Variants in ADCY8 observed in about 807,000 individuals in gnomAD.
The protein encoded by ADCY8 is adenylate cyclase 8.
In ADCY8, 51 loss-of-function variants were observed where a neutral mutation model predicts 119.7. The ratio of observed to expected loss-of-function variants is 0.43; its 90% CI spans 0.34 to 0.54. The LOEUF (loss-of-function observed/expected upper bound fraction) is 0.54. ADCY8 is among the 20% of genes least tolerant of loss of function. The pLI is 0.03. For synonymous variants in ADCY8, 665 were observed against 651.0 expected, an observed-to-expected ratio of 1.02 and a Z score of -0.33; for missense variants, 1,383 against 1,598.8, an observed-to-expected ratio of 0.87 and a Z score of 2.30.
intron 1 of ADCY8, among the ~76,000 whole-genome samples, chr8:131,028,081 A>T (rs1823875526): frequency 6.6e-6 from 1 of 152,230 alleles, no homozygotes; most frequent in South Asian, 2.1e-4. Flanking sequence ...GGAATATCTA[A>T]CTGGGTCAGG....
chr8:130,985,787 C>T (rs1015561035), intron 2 of ADCY8, among the ~76,000 whole-genome samples: 12 of 152,208 alleles, frequency 7.9e-5, no homozygotes, highest in Admixed American at 3.9e-4. Context: ...ATCTACTGTC[C>T]GAACCACCAG....
chr8:130,966,696 A>G (rs567073867), intron 2 of ADCY8, among the ~76,000 whole-genome samples: 144 of 152,270 alleles, frequency 9.5e-4, no homozygotes, highest in African/African-American at 3.4e-3. Flanking sequence ...TTTGAACCCT[A>G]CCTCTGCCCC....
intron 12 of ADCY8, among the ~76,000 whole-genome samples, chr8:130,825,399 C>G (rs2130218745): frequency 6.6e-6 from 1 of 152,288 alleles, no homozygotes; most frequent in East Asian, 1.9e-4. Flanking sequence ...GATTGGGTAG[C>G]AAGATCTGCA....
chr8:130,794,993 G>A (rs1815534830), intron 15 of ADCY8, among the ~76,000 whole-genome samples: 1 of 152,100 alleles, frequency 6.6e-6, no homozygotes, highest in South Asian at 2.1e-4. Flanking sequence ...GGAGGCTGAG[G>A]CAGGCAGATC....
chr8:130,781,920 T>A (rs1815091820), intron 17 of ADCY8, among the ~76,000 whole-genome samples: 1 of 152,076 alleles, frequency 6.6e-6, no homozygotes, highest in Admixed American at 6.6e-5. Flanking sequence ...GCATTGGGGA[T>A]GTGGTGGGAA....
chr8:130,826,327 G>T (rs898376090), intron 12 of ADCY8, among the ~76,000 whole-genome samples: 3 of 152,156 alleles, frequency 2.0e-5, no homozygotes, highest in African/African-American at 7.2e-5. Context: ...ACTATCATCA[G>T]TCTTTACAAT....
At chr8:130,858,330 G>T (rs1365006016) in intron 9 of ADCY8, among the ~76,000 whole-genome samples, 1 of 152,112 alleles carries the variant, frequency 6.6e-6, no homozygotes, top group Admixed American at 6.5e-5. Context: ...CTCCTTAGGT[G>T]CCTCCTTGCT....
intron 10 of ADCY8, among the ~76,000 whole-genome samples, chr8:130,849,307 G>A (rs111314455): frequency 3.9e-5 from 6 of 152,310 alleles, no homozygotes; most frequent in African/African-American, 1.4e-4. Flanking sequence ...TTGATACATG[G>A]TAACTCTTAT....
intron 2 of ADCY8, among the ~76,000 whole-genome samples, chr8:130,976,441 A>AT (rs1682012934): frequency 6.6e-6 from 1 of 152,190 alleles, no homozygotes; most frequent in African/African-American, 2.4e-5. Context: ...ATTATTGCCT[A>AT]TTTCAAGTAT....
In ADCY8 at chr8:130,906,985, C is replaced by G. The variant is rs377357196; in HGVS notation, c.1640+2723G>C. 9.2e-5 allele frequency among the ~76,000 whole-genome samples: 14 copies of G among 151,996 alleles called. No individual in the cohort carries two copies. The South Asian group carries it at 2.9e-3, about 32-fold the overall frequency. On this transcript the variant is annotated intron_variant, in intron 6 of 17. Transcript: ENST00000286355. ...ATCATATTAGTGGTTAGTGGCAGTG[C>G]TGGATTGAGACAAGAACTTTTACTT...
At chr8:131,001,191 GC>G (rs1347042558) in intron 1 of ADCY8, among the ~76,000 whole-genome samples, 3 of 152,096 alleles carry the variant, frequency 2.0e-5, no homozygotes, top group Non-Finnish European at 4.4e-5. Flanking sequence ...TACCACCTGG[GC>G]TATTCCGCCT....
At chr8:131,031,407 A>C (rs1410383516) in intron 1 of ADCY8, among the ~76,000 whole-genome samples, 2 of 152,218 alleles carry the variant, frequency 1.3e-5, no homozygotes, top group African/African-American at 4.8e-5. Context: ...CCAAATATTT[A>C]AAGGCAGTCA....
At chr8:131,036,913 T>G (rs1021923971) in intron 1 of ADCY8, among the ~76,000 whole-genome samples, 3 of 152,142 alleles carry the variant, frequency 2.0e-5, no homozygotes, top group African/African-American at 7.2e-5. Flanking sequence ...TGGTAAGAAG[T>G]TAGGATTTTA....
At chr8:130,853,197 T>C (rs1333796937) in intron 9 of ADCY8, among the ~76,000 whole-genome samples, 1 of 152,202 alleles carries the variant, frequency 6.6e-6, no homozygotes, top group East Asian at 1.9e-4. Flanking sequence ...TTCGATCCAC[T>C]GAGATGACAG....
At chr8:130,802,889 C>T (rs769043458) in intron 14 of ADCY8, among the ~76,000 whole-genome samples, 1 of 152,210 alleles carries the variant, frequency 6.6e-6, no homozygotes, top group Non-Finnish European at 1.5e-5. Flanking sequence ...TGGAGAGTCC[C>T]GGCTCCCTCG....
At chr8:130,785,497 G>T (rs754593617) in intron 15 of ADCY8, 22 bp from the exon 16 acceptor site, 32 of 1,576,904 alleles carry the variant, frequency 2.0e-5, no homozygotes, top group Non-Finnish European at 2.6e-5. Context: ...CCAGGCAATG[G>T]TGTTAGCCCT....
chr8:130,895,396 A>G (rs1359809599), intron 7 of ADCY8, among the ~76,000 whole-genome samples: 1 of 152,132 alleles, frequency 6.6e-6, no homozygotes, highest in Non-Finnish European at 1.5e-5. Context: ...GTGGTTATAC[A>G]TAAGCCTCAG....
At position 130,903,821 on chromosome 8, in the gene ADCY8, C is replaced by A; in HGVS notation, c.1862G>T (p.Gly621Val). 6.2e-7 allele frequency: 1 copy of A among 1,613,628 alleles called. No homozygotes were observed. The highest frequency in any genetic ancestry group is 8.5e-7 in the Non-Finnish European group (1 of 1,179,994). The change falls in exon 7 of 18, where the codon GGA becomes GTA. Residue 621 changes from glycine (G) to valine (V), a missense_variant. Around this residue, in one of 2 missense-constraint regions of ADCY8, gnomAD observed 928 missense variants for 1,163.5 expected, o/e 0.80. Transcript: ENST00000286355. ...AAAGGGCAGTTCAGGGCTCCAGGAT[C>A]CTTCAGTGAATGTGGCCCCACTGTT... ...RRNSGATFTE[G>V]SWSPELPFDN...
chr8:130,917,555 A>G (rs1470267040), intron 5 of ADCY8, among the ~76,000 whole-genome samples: 1 of 152,194 alleles, frequency 6.6e-6, no homozygotes, highest in Non-Finnish European at 1.5e-5. Flanking sequence ...GTTCTTGAAG[A>G]TGAAAGCGTT....
Sources: gnomAD v4.1 joint callset for allele counts (sites outside exome capture counted in the v4.1 genomes callset) on GRCh38, gnomAD v4.1.1 for gene constraint, gnomAD v4.1.1 regional missense constraint, MANE v1.5 for transcripts, NCBI Gene and HGNC (gene_info 2026-07-23, HGNC 2026-07-21) for gene names.